ZFAT: variants seen among roughly 807,000 people sequenced by gnomAD.
ZFAT encodes zinc finger protein ZFAT.
Under a neutral mutation model 117.7 loss-of-function variants are expected in ZFAT, and 64 were observed. The observed-to-expected ratio is 0.54, with a 90% CI of 0.44 to 0.67. ZFAT has a LOEUF of 0.67. Ranked by LOEUF, ZFAT falls within the 30% of genes least tolerant of loss-of-function variation. The pLI, the probability that ZFAT is intolerant of heterozygous loss-of-function variation, is 0.00. For missense variants in ZFAT, 1,433 were observed against 1,584.5 expected, an observed-to-expected ratio of 0.90 and a Z score of 1.62; for synonymous variants, 679 against 615.0, an observed-to-expected ratio of 1.10 and a Z score of -1.54.
intron 15 of ZFAT, among the ~76,000 whole-genome samples, chr8:134,490,659 T>C (rs1817987185): frequency 6.6e-6 from 1 of 152,208 alleles, no homozygotes; most frequent in Non-Finnish European, 1.5e-5. Context: ...TCCCCATTAC[T>C]GAAGTTATGC....
chr8:134,704,002 T>C (rs1834082147), intron 1 of ZFAT, among the ~76,000 whole-genome samples: 1 of 152,122 alleles, frequency 6.6e-6, no homozygotes, highest in South Asian at 2.1e-4. Context: ...TGCTACCAAA[T>C]AGGTCTGTGG....
intron 13 of ZFAT, among the ~76,000 whole-genome samples, chr8:134,514,588 G>A: frequency 6.6e-6 from 1 of 152,144 alleles, no homozygotes; most frequent in East Asian, 1.9e-4. Context: ...TCAGCCTACT[G>A]TACAGAGCAG....
chr8:134,509,675 T>A lies in ZFAT; in HGVS notation c.3436A>T (p.Thr1146Ser). ...IELGAETHDATALASVVAMAP... is the reference protein window; with the variant it reads ...IELGAETHDASALASVVAMAP... ...ATGGCAACCACCGAGGCAAGGGCAG[T>A]GGCGTCATGGGTCTCGGCGCCCAGC... Residue 1146 changes from threonine (T) to serine (S), a missense_variant, in exon 15 of 16, where the codon ACT (threonine) becomes TCT (serine). Physicochemically the swap from Thr to Ser is moderately conservative, Grantham distance 58. Around this residue, in one of 5 missense-constraint regions of ZFAT, gnomAD observed 503 missense variants for 543.4 expected, o/e 0.93. Transcript: ENST00000377838. The A allele has an allele frequency of 6.2e-7, 1 of 1,611,080 alleles. No homozygotes were observed. The highest frequency in any genetic ancestry group is 8.5e-7 in the Non-Finnish European group (1 of 1,178,958).
At chr8:134,636,927 A>C (rs552291062) in intron 3 of ZFAT, among the ~76,000 whole-genome samples, 57 of 152,332 alleles carry the variant, frequency 3.7e-4, no homozygotes, top group African/African-American at 1.3e-3. Flanking sequence ...GCCCACTGAA[A>C]TCTAGTCCTC....
chr8:134,575,952 G>C (rs1825265929), intron 10 of ZFAT, among the ~76,000 whole-genome samples: 1 of 152,176 alleles, frequency 6.6e-6, no homozygotes, highest in Non-Finnish European at 1.5e-5. Flanking sequence ...TCAAGCAACT[G>C]CAGACTTAGG....
chr8:134,675,011 A>G (rs1217774288), intron 1 of ZFAT: 1 of 152,302 alleles, frequency 6.6e-6, no homozygotes, highest in East Asian at 1.9e-4. Flanking sequence ...AACCAGCGCA[A>G]AAAGGCTGAA....
At chr8:134,676,125 C>T (rs1301014126) in intron 1 of ZFAT, among the ~76,000 whole-genome samples, 1 of 151,796 alleles carries the variant, frequency 6.6e-6, no homozygotes, top group Non-Finnish European at 1.5e-5. Flanking sequence ...GGTCTAAATG[C>T]CCCAATTAAA....
At chr8:134,709,436 G>A (rs1217236910) in intron 1 of ZFAT, among the ~76,000 whole-genome samples, 1 of 152,242 alleles carries the variant, frequency 6.6e-6, no homozygotes, top group Admixed American at 6.5e-5. Context: ...GTGAGAGGCA[G>A]ATCTCTGGAG....
At chr8:134,669,978 A>G (rs1341158042) in intron 1 of ZFAT, among the ~76,000 whole-genome samples, 1 of 152,224 alleles carries the variant, frequency 6.6e-6, no homozygotes, top group Non-Finnish European at 1.5e-5. Flanking sequence ...CAGACTTTAA[A>G]CCAACAAAGA....
intron 9 of ZFAT, among the ~76,000 whole-genome samples, chr8:134,585,105 G>A (rs1825977011): frequency 6.6e-6 from 1 of 152,182 alleles, no homozygotes; most frequent in South Asian, 2.1e-4. Context: ...TCTCATCTCT[G>A]TAAAATGACA....
chr8:134,777,995 AT>A, the ZFAT span, among the ~76,000 whole-genome samples: 2 of 152,300 alleles, frequency 1.3e-5, no homozygotes, highest in Non-Finnish European at 2.9e-5. Flanking sequence ...AAAGAAAAAA[AT>A]GTAGACAAAC....
rs1474358413 is a variant in ZFAT, at chr8:134,478,467, G to A, written c.*15C>T. On this transcript the variant is annotated 3_prime_UTR_variant, in exon 16 of 16. Coordinates refer to ENST00000377838, the MANE Select transcript of ZFAT (RefSeq NM_020863.4). This position sits in a 1 kb window ranked among gnomAD's most constrained non-coding sequence, Gnocchi z 5.2. ...TGGCAGCCCCGCCCTGTGGCCATCCGATGCCACATGTCCTCTAGAGTTCCT... is the reference window on the plus strand; with the variant it reads ...TGGCAGCCCCGCCCTGTGGCCATCCAATGCCACATGTCCTCTAGAGTTCCT... The A allele has an allele frequency of 4.5e-6, 7 of 1,551,988 alleles. No homozygotes were observed. The highest frequency in any genetic ancestry group is 5.2e-6 in the Non-Finnish European group (6 of 1,146,956).
chr8:134,665,106 A>G (rs1832143357), intron 1 of ZFAT, among the ~76,000 whole-genome samples: 2 of 152,160 alleles, frequency 1.3e-5, no homozygotes, highest in Non-Finnish European at 2.9e-5. Context: ...CTGCTCTGGG[A>G]CCTTGGGACA....
At chr8:134,643,207 C>T (rs1296385204) in intron 2 of ZFAT, among the ~76,000 whole-genome samples, 2 of 152,162 alleles carry the variant, frequency 1.3e-5, no homozygotes, top group East Asian at 1.9e-4. Context: ...CTTATTTGCT[C>T]CAAGGTCAGG....
chr8:134,602,669 C>T lies in ZFAT; in HGVS notation c.1050G>A (p.Lys350=). The T allele has an allele frequency of 6.2e-7, 1 of 1,614,236 alleles. No individual in the cohort carries two copies. Among genetic ancestry groups the T allele is most frequent in the Admixed American group, 1.7e-5 (1 of 60,032 alleles). The change falls in exon 6 of 16, where the codon AAG becomes AAA. Residue 350 remains lysine (K), a synonymous_variant. Coordinates refer to ENST00000377838, the MANE Select transcript of ZFAT (RefSeq NM_020863.4). ...AGAAGCGGCAGTGCTGCTTGATCTT[C>T]TTGTGCACTCGCTCGATGTGCACCT... ...HLKVHIERVH[K]KIKQHCRFCK...
chr8:134,746,061 T>C, the ZFAT span, among the ~76,000 whole-genome samples: 103 of 152,360 alleles, frequency 6.8e-4, no homozygotes, highest in Non-Finnish European at 7.8e-4. Context: ...TCATTGGCCC[T>C]GAGTGTAAAA....
intron 11 of ZFAT, among the ~76,000 whole-genome samples, chr8:134,558,309 T>C (rs996919457): frequency 1.3e-5 from 2 of 152,180 alleles, no homozygotes; most frequent in African/African-American, 4.8e-5. Flanking sequence ...GGCCAAGCCT[T>C]CCCAAAGCTG....
At chr8:134,790,608 TTC>T in the ZFAT span, among the ~76,000 whole-genome samples, 488 of 152,332 alleles carry the variant, frequency 3.2e-3, no homozygotes, top group African/African-American at 0.011. Context: ...GCCTCACACC[TTC>T]TGTTTTCTCC....
At chr8:134,808,218 C>T in the ZFAT span, among the ~76,000 whole-genome samples, 7 of 152,218 alleles carry the variant, frequency 4.6e-5, no homozygotes, top group South Asian at 2.1e-4. Context: ...TGGATGTGAA[C>T]GCTAGGCCCT....
Sources: gnomAD v4.1 joint callset for allele counts (sites outside exome capture counted in the v4.1 genomes callset) on GRCh38, gnomAD v4.1.1 for gene constraint, gnomAD v4.1.1 regional missense constraint, Gnocchi (gnomAD v3.1) non-coding constraint, MANE v1.5 for transcripts, NCBI Gene and HGNC (gene_info 2026-07-23, HGNC 2026-07-21) for gene names.